The following FOXP2 variants were observed in gnomAD, a reference collection of about 807,000 sequenced individuals.
FOXP2 encodes forkhead box protein P2.
In FOXP2, 12 loss-of-function variants were observed where a neutral mutation model predicts 115.8. The ratio of observed to expected loss-of-function variants is 0.10; its 90% confidence interval spans 0.07 to 0.17. The LOEUF is 0.17. Ranked by LOEUF, FOXP2 falls within the 10% of genes least tolerant of loss-of-function variation. The pLI is 1.00. For missense variants in FOXP2, 629 were observed against 843.5 expected (o/e 0.75, Z 3.15); for synonymous variants, 328 against 297.7 (o/e 1.10, Z -1.05).
intron 1 of FOXP2, among the ~76,000 whole-genome samples, chr7:114,254,432 A>G (rs1038554723): frequency 1.1e-4 from 16 of 152,200 alleles, no homozygotes; most frequent in African/African-American, 3.4e-4. Context: ...AGGTACACCA[A>G]TCAGACATAG....
intron 2 of FOXP2, among the ~76,000 whole-genome samples, chr7:114,441,559 A>G (rs962751558): frequency 5.3e-5 from 8 of 152,300 alleles, no homozygotes; most frequent in African/African-American, 1.7e-4. Context: ...CCTTCAGTTT[A>G]TTCATTTTAT....
At chr7:114,333,638 G>C (rs372259299) in intron 2 of FOXP2, among the ~76,000 whole-genome samples, 15 of 152,098 alleles carry the variant, frequency 9.9e-5, no homozygotes, top group African/African-American at 3.6e-4. Context: ...CTAGAGTGCA[G>C]CACGTTGGAA....
chr7:114,396,904 C>T (rs1190258200), intron 2 of FOXP2, among the ~76,000 whole-genome samples: 2 of 151,942 alleles, frequency 1.3e-5, no homozygotes, highest in South Asian at 4.1e-4. Context: ...TTTAGTCATT[C>T]CACAAGGTAT....
intron 2 of FOXP2, among the ~76,000 whole-genome samples, chr7:114,458,079 C>T (rs1462528364): frequency 6.6e-6 from 1 of 151,666 alleles, no homozygotes; most frequent in Non-Finnish European, 1.5e-5. Context: ...AAAATAAATC[C>T]AGAACAAAAC....
intron 2 of FOXP2, among the ~76,000 whole-genome samples, chr7:114,494,975 G>A (rs2129247260): frequency 6.6e-6 from 1 of 152,230 alleles, no homozygotes; most frequent in East Asian, 1.9e-4. Context: ...AGGTGGCATG[G>A]TTTTATCAAC....
chr7:114,298,638 G>A (rs1411295632), intron 2 of FOXP2, among the ~76,000 whole-genome samples: 1 of 152,142 alleles, frequency 6.6e-6, no homozygotes, highest in Non-Finnish European at 1.5e-5. Flanking sequence ...AGTGTTACCT[G>A]GTTACTGTGT....
intron 2 of FOXP2, among the ~76,000 whole-genome samples, chr7:114,305,078 C>T (rs1323505390): frequency 2.0e-5 from 3 of 152,048 alleles, no homozygotes; most frequent in Non-Finnish European, 4.4e-5. Flanking sequence ...ATATGCTTGA[C>T]CTCATTTGAC....
At chr7:114,364,009 G>A (rs1009625054) in intron 2 of FOXP2, among the ~76,000 whole-genome samples, 1 of 151,982 alleles carries the variant, frequency 6.6e-6, no homozygotes, top group Non-Finnish European at 1.5e-5. Context: ...TTTTAAAGTT[G>A]ACTTAAATCA....
chr7:114,150,391 A>T (rs902415800), intron 1 of FOXP2, among the ~76,000 whole-genome samples: 23 of 152,030 alleles, frequency 1.5e-4, no homozygotes, highest in African/African-American at 5.3e-4. Flanking sequence ...TACTAAAACC[A>T]GTGTCTTGGT....
chr7:114,547,846 G>T (rs544544762), intron 3 of FOXP2, among the ~76,000 whole-genome samples: 2 of 152,050 alleles, frequency 1.3e-5, no homozygotes, highest in Non-Finnish European at 2.9e-5. Context: ...ATGATTTATT[G>T]GTATATAATT....
At chr7:114,511,107 A>G (rs1411336886) in intron 2 of FOXP2, among the ~76,000 whole-genome samples, 4 of 152,210 alleles carry the variant, frequency 2.6e-5, no homozygotes, top group Non-Finnish European at 5.9e-5. Context: ...ACACAAGAAC[A>G]GAAAATCAAG....
chr7:114,389,896 C>T (rs1168140614), intron 2 of FOXP2, among the ~76,000 whole-genome samples: 2 of 151,688 alleles, frequency 1.3e-5, no homozygotes, highest in Admixed American at 6.6e-5. Flanking sequence ...TGGTGGCATG[C>T]TCCTGTAATC....
chr7:114,158,179 G>A (rs190658124), upstream of FOXP2, among the ~76,000 whole-genome samples: 370 of 152,138 alleles, frequency 2.4e-3, 4 homozygotes, highest in Non-Finnish European at 3.7e-3. Flanking sequence ...CAAAATATAA[G>A]TGTGTTGTAT....
intron 1 of FOXP2, among the ~76,000 whole-genome samples, chr7:114,238,957 A>T (rs797006421): frequency 3.3e-5 from 5 of 149,560 alleles, no homozygotes; most frequent in African/African-American, 1.2e-4. Flanking sequence ...TATAAATATA[A>T]AAATAATGGC....
chr7:114,570,114 A>G (rs1046033231), intron 3 of FOXP2, among the ~76,000 whole-genome samples: 1 of 151,944 alleles, frequency 6.6e-6, no homozygotes, highest in Non-Finnish European at 1.5e-5. Flanking sequence ...ATGACATTCC[A>G]TGTCATTTAT....
intron 1 of FOXP2, among the ~76,000 whole-genome samples, chr7:114,418,067 G>A (rs1292526749): frequency 1.3e-5 from 2 of 151,868 alleles, no homozygotes; most frequent in Admixed American, 6.6e-5. Context: ...GAACAACAAG[G>A]CGTTATACTC....
At chr7:114,438,992 A>G (rs2129211289) in intron 2 of FOXP2, among the ~76,000 whole-genome samples, 1 of 152,202 alleles carries the variant, frequency 6.6e-6, no homozygotes, top group East Asian at 1.9e-4. Flanking sequence ...AAATAGTTGA[A>G]GAAGTCTAAT....
chr7:114,583,999 C>T (rs776858959), intron 3 of FOXP2, among the ~76,000 whole-genome samples: 1 of 152,018 alleles, frequency 6.6e-6, no homozygotes, highest in Non-Finnish European at 1.5e-5. Flanking sequence ...TGGCAGAAGC[C>T]CACACACCCT....
intron 2 of FOXP2, among the ~76,000 whole-genome samples, chr7:114,494,767 C>G (rs1475242220): frequency 6.6e-6 from 1 of 151,818 alleles, no homozygotes; most frequent in Non-Finnish European, 1.5e-5. Context: ...AAGACTCATG[C>G]CACTGAAATT....
Sources: allele counts gnomAD v4.1 joint callset (sites outside exome capture counted in the v4.1 genomes callset), GRCh38; gene constraint gnomAD v4.1.1; transcripts MANE v1.5; gene names NCBI Gene and HGNC (gene_info 2026-07-23, HGNC 2026-07-21).